The following NCALD variants were observed in gnomAD, a reference collection of about 807,000 sequenced individuals.
NCALD encodes neurocalcin delta.
In NCALD, 10 loss-of-function variants were observed where a neutral mutation model predicts 18.6. That is an observed-to-expected ratio of 0.54 (90% CI 0.33 to 0.91). NCALD has a LOEUF of 0.91. Ranked by LOEUF, NCALD falls within the 40% of genes least tolerant of loss-of-function variation. The probability of loss-of-function intolerance (pLI) is 0.03; values close to 1 mark genes in which losing one functional copy is unlikely to be tolerated. For synonymous variants in NCALD, 88 were observed against 87.4 expected (o/e 1.01, Z -0.04); for missense variants, 184 against 247.6 (o/e 0.74, Z 1.72).
At chr8:101,780,726 C>T (rs6468793) in intron 1 of NCALD, among the ~76,000 whole-genome samples, 122,138 of 152,126 alleles carry the variant, frequency 0.8, 49,095 homozygotes, top group African/African-American at 0.85. Context: ...AAATTTTACA[C>T]GCATATTTTA....
At chr8:101,831,034 G>T (rs1365920174) in intron 4 of NCALD, among the ~76,000 whole-genome samples, 1 of 152,090 alleles carries the variant, frequency 6.6e-6, no homozygotes, top group Non-Finnish European at 1.5e-5. Context: ...ACCTGACCTG[G>T]CTTGAGTGTA....
At chr8:101,896,136 A>G (rs1817159301) in intron 3 of NCALD, among the ~76,000 whole-genome samples, 1 of 151,570 alleles carries the variant, frequency 6.6e-6, no homozygotes, top group South Asian at 2.1e-4. Context: ...TACAGTAACC[A>G]AAACAGCATG....
At chr8:102,105,313 T>C (rs558857610) in intron 1 of NCALD, among the ~76,000 whole-genome samples, 84 of 152,352 alleles carry the variant, frequency 5.5e-4, no homozygotes, top group Non-Finnish European at 8.5e-4. Flanking sequence ...GAGATGTTAA[T>C]TTCCTGCTAT....
chr8:102,077,332 G>A (rs1824380053), intron 1 of NCALD, among the ~76,000 whole-genome samples: 1 of 152,206 alleles, frequency 6.6e-6, no homozygotes, highest in Non-Finnish European at 1.5e-5. Context: ...AGGCCGCATT[G>A]TGTCCATGGA....
rs1307348369 is a variant in NCALD, at chr8:101,972,359, C to CA, written c.-157+47877dup. On this transcript the variant is annotated intron_variant, in intron 2 of 6. Coordinates refer to the NCALD transcript ENST00000311028. ...TCAGCTTCCTTGTCTCTAACTGGGACAAAAATAGCTATTTTAATATGTTGT... is the reference window on the plus strand; with the variant it reads ...TCAGCTTCCTTGTCTCTAACTGGGACAAAAAATAGCTATTTTAATATGTTGT... Among the ~76,000 whole-genome samples the CA allele has an allele frequency of 2.6e-5, 4 of 152,102 alleles. No individual in the cohort carries two copies. In the East Asian group the frequency reaches 7.7e-4, roughly 29 times the overall value.
intron 1 of NCALD, among the ~76,000 whole-genome samples, chr8:102,037,780 T>A (rs1471659437): frequency 2.0e-5 from 3 of 152,126 alleles, no homozygotes; most frequent in Admixed American, 2.0e-4. Flanking sequence ...AGCATGCCCA[T>A]CTAGGAACAC....
At position 101,686,606 on chromosome 8, in the gene NCALD, C is replaced by G. The variant is rs1814483475; in HGVS notation, c.*2703G>C. On this transcript the variant is annotated 3_prime_UTR_variant, in exon 4 of 4. Coordinates refer to ENST00000220931, the MANE Select transcript of NCALD (RefSeq NM_032041.3). ...GCTACACAGTCAACTGATTTACGGG[C>G]CACTCCATAGGCTATGATTTATAAA... 2.6e-5 allele frequency: 4 copies of G among 152,502 alleles called. No homozygotes were observed. The highest frequency in any genetic ancestry group is 2.6e-4 in the Admixed American group (4 of 15,260). The allele number at this position is 152,502 out of a possible 1,614,324, so 9.4% of individuals were successfully genotyped here.
chr8:101,764,305 C>T (rs1301535976), intron 1 of NCALD, among the ~76,000 whole-genome samples: 1 of 152,110 alleles, frequency 6.6e-6, no homozygotes, highest in Non-Finnish European at 1.5e-5. Context: ...GAAGGAGCAG[C>T]TGTCGAGATA....
intron 2 of NCALD, among the ~76,000 whole-genome samples, chr8:102,000,254 C>T (rs1049134593): frequency 6.6e-6 from 1 of 152,130 alleles, no homozygotes; most frequent in Non-Finnish European, 1.5e-5. Flanking sequence ...GAGGGTCCTA[C>T]ACCCACGGAG....
chr8:102,062,986 G>A (rs111446220), intron 1 of NCALD, among the ~76,000 whole-genome samples: 62 of 152,138 alleles, frequency 4.1e-4, no homozygotes, highest in African/African-American at 1.3e-3. Flanking sequence ...AATCCTCAAG[G>A]ACCTCCAGGG....
At chr8:101,766,758 T>C (rs1331596025) in intron 1 of NCALD, among the ~76,000 whole-genome samples, 4 of 152,160 alleles carry the variant, frequency 2.6e-5, no homozygotes, top group African/African-American at 9.7e-5. Context: ...TTTGTATTTT[T>C]AGTAGAAATA....
intron 2 of NCALD, among the ~76,000 whole-genome samples, chr8:102,005,354 G>C (rs181298417): frequency 6.6e-6 from 1 of 152,158 alleles, no homozygotes; most frequent in African/African-American, 2.4e-5. Context: ...TTAGAATGGC[G>C]ATCATTCAAA....
At chr8:102,094,341 G>A (rs575901713) in intron 1 of NCALD, among the ~76,000 whole-genome samples, 63 of 152,246 alleles carry the variant, frequency 4.1e-4, no homozygotes, top group African/African-American at 1.3e-3. Context: ...TGTATAAATC[G>A]TCTTACGTGA....
intron 3 of NCALD, among the ~76,000 whole-genome samples, chr8:101,893,671 C>A (rs530464332): frequency 8.3e-4 from 106 of 127,128 alleles, no homozygotes; most frequent in Non-Finnish European, 4.0e-4. Context: ...GGAGGAAGAT[C>A]TACCAAGCAA....
chr8:102,083,245 G>A (rs1654640667), intron 1 of NCALD, among the ~76,000 whole-genome samples: 1 of 152,176 alleles, frequency 6.6e-6, no homozygotes, highest in Non-Finnish European at 1.5e-5. Context: ...AAGCCAAGAA[G>A]ACCTTTTTCT....
chr8:101,840,891 T>C (rs1346033278), intron 4 of NCALD, among the ~76,000 whole-genome samples: 1 of 152,218 alleles, frequency 6.6e-6, no homozygotes, highest in Non-Finnish European at 1.5e-5. Flanking sequence ...AGCTACTGTT[T>C]GAAATTATTA....
intron 2 of NCALD, among the ~76,000 whole-genome samples, chr8:101,946,013 T>G (rs1819156753): frequency 1.3e-5 from 2 of 152,162 alleles, no homozygotes; most frequent in Non-Finnish European, 2.9e-5. Context: ...AGTACAAGCA[T>G]CCCAGTTAAT....
intron 3 of NCALD, among the ~76,000 whole-genome samples, chr8:101,911,451 G>A (rs1018034798): frequency 6.0e-5 from 9 of 149,678 alleles, no homozygotes; most frequent in African/African-American, 2.5e-5. Context: ...TCTGCCTCCT[G>A]GATTCAAGTG....
chr8:101,702,935 G>A (rs1243824527), intron 2 of NCALD, among the ~76,000 whole-genome samples: 1 of 152,194 alleles, frequency 6.6e-6, no homozygotes, highest in Non-Finnish European at 1.5e-5. Flanking sequence ...ACATCACAAT[G>A]CACACGAACA....
Sources: gnomAD v4.1 joint callset for allele counts (sites outside exome capture counted in the v4.1 genomes callset) on GRCh38, gnomAD v4.1.1 for gene constraint, MANE v1.5 for transcripts, NCBI Gene and HGNC (gene_info 2026-07-23, HGNC 2026-07-21) for gene names.